Variants in HSDL2 observed in about 807,000 individuals in gnomAD.
HSDL2 encodes hydroxysteroid dehydrogenase-like protein 2.
HSDL2 carries 27 observed loss-of-function variants against 46.3 expected under a neutral mutation model. That is an observed-to-expected ratio of 0.58 (90% CI 0.43 to 0.80). The LOEUF is 0.80. Among genes scored for constraint, HSDL2 ranks in the 30% least tolerant of loss-of-function variants. HSDL2 has a pLI of 0.00. For missense variants in HSDL2, 451 were observed against 502.7 expected, an observed-to-expected ratio of 0.90 and a Z score of 0.98; for synonymous variants, 153 against 163.6, an observed-to-expected ratio of 0.94 and a Z score of 0.50.
chr9:112,440,405 A>G (rs1832615555), intron 7 of HSDL2, among the ~76,000 whole-genome samples: 1 of 149,290 alleles, frequency 6.7e-6, no homozygotes. Flanking sequence ...CCCCATGTCA[A>G]AAAAAAAAAG....
intron 1 of HSDL2, among the ~76,000 whole-genome samples, chr9:112,382,091 C>T (rs1457455122): frequency 2.0e-5 from 3 of 152,016 alleles, no homozygotes; most frequent in African/African-American, 7.2e-5. Context: ...TACAAAATTA[C>T]AAAAATTACA....
chr9:112,466,704 A>AT (rs1249298600), intron 10 of HSDL2, among the ~76,000 whole-genome samples: 38 of 151,880 alleles, frequency 2.5e-4, no homozygotes, highest in Middle Eastern at 3.4e-3. Flanking sequence ...AGTTCAACCT[A>AT]TTTTTTTTGA....
At chr9:112,461,184 TCTC>T (rs1833200430) in intron 10 of HSDL2, among the ~76,000 whole-genome samples, 1 of 152,088 alleles carries the variant, frequency 6.6e-6, no homozygotes, top group Non-Finnish European at 1.5e-5. Flanking sequence ...TTCAAGCAAT[TCTC>T]CTGCCTCAGC....
intron 6 of HSDL2, among the ~76,000 whole-genome samples, chr9:112,425,407 T>C (rs527259272): frequency 7.7e-4 from 118 of 152,294 alleles, no homozygotes; most frequent in Non-Finnish European, 1.4e-3. Context: ...AATTAAGCAA[T>C]ACCATATTGT....
At chr9:112,381,253 ACT>A (rs1283789208) in intron 1 of HSDL2, among the ~76,000 whole-genome samples, 1 of 151,148 alleles carries the variant, frequency 6.6e-6, no homozygotes, top group Non-Finnish European at 1.5e-5. Flanking sequence ...GTAGCCTTGA[ACT>A]CCCAGGCTGA....
At chr9:112,383,650 G>A (rs2132586680) in intron 1 of HSDL2, among the ~76,000 whole-genome samples, 1 of 152,192 alleles carries the variant, frequency 6.6e-6, no homozygotes, top group East Asian at 1.9e-4. Context: ...TCTGTTTCTG[G>A]ACTTTCTGCT....
chr9:112,391,570 G>C (rs188562902), intron 1 of HSDL2, among the ~76,000 whole-genome samples: 1 of 152,100 alleles, frequency 6.6e-6, no homozygotes, highest in Non-Finnish European at 1.5e-5. Flanking sequence ...TTATAGACTT[G>C]TATGAGTCAA....
In HSDL2 at chr9:112,461,983, T is replaced by C. The variant is rs190664840; in HGVS notation, c.1144+2406T>C. Among the ~76,000 whole-genome samples, 26 of 152,326 alleles carry C rather than the reference T, an allele frequency of 1.7e-4. No homozygotes were observed. In the East Asian group the frequency reaches 5.0e-3, roughly 29 times the overall value. ...AAACAATTATTCTTATCAAGTATAT[T>C]TTATAGGTATGGTTTAGATCGGGAG... On this transcript the variant is annotated intron_variant, in intron 10 of 10. Coordinates refer to ENST00000398805, the MANE Select transcript of HSDL2 (RefSeq NM_032303.5).
chr9:112,437,476 T>C (rs1411940624), intron 6 of HSDL2, among the ~76,000 whole-genome samples: 1 of 152,120 alleles, frequency 6.6e-6, no homozygotes, highest in Non-Finnish European at 1.5e-5. Flanking sequence ...CATAATTTAA[T>C]TGGCAGCTTT....
At chr9:112,388,172 C>CA (rs201832602) in intron 1 of HSDL2, among the ~76,000 whole-genome samples, 4,082 of 149,266 alleles carry the variant, frequency 0.027, 149 homozygotes, top group East Asian at 0.11. Context: ...AAAAAACAAA[C>CA]AAAAAAAAAC....
intron 8 of HSDL2, among the ~76,000 whole-genome samples, chr9:112,449,732 G>T (rs59407950): frequency 0.013 from 1,920 of 151,822 alleles, 39 homozygotes; most frequent in African/African-American, 0.042. Flanking sequence ...GGGTGTGGTG[G>T]TGCACATCTG....
intron 6 of HSDL2, among the ~76,000 whole-genome samples, chr9:112,437,610 G>A (rs940276803): frequency 1.3e-5 from 2 of 152,072 alleles, no homozygotes; most frequent in East Asian, 1.9e-4. Context: ...TTAAAGAGGC[G>A]AAACAAGCTC....
chr9:112,419,059 A>T (rs752214261), intron 6 of HSDL2, 101 bp downstream of exon 6: 1 of 589,060 alleles, frequency 1.7e-6, no homozygotes, highest in Non-Finnish European at 3.0e-6. Context: ...TCCAGGCTGG[A>T]GTGCAGTGGT....
At chr9:112,402,954 A>G (rs1206852368) in intron 1 of HSDL2, among the ~76,000 whole-genome samples, 1 of 151,990 alleles carries the variant, frequency 6.6e-6, no homozygotes, top group East Asian at 1.9e-4. Context: ...AAAAGAAAAA[A>G]AAACACACAC....
chr9:112,427,870 C>T (rs1035820790), intron 6 of HSDL2, among the ~76,000 whole-genome samples: 2 of 152,172 alleles, frequency 1.3e-5, no homozygotes, highest in Non-Finnish European at 2.9e-5. Context: ...TATCACGCAG[C>T]AGACATGGGT....
chr9:112,409,677 A>C (rs1831815169), intron 4 of HSDL2, among the ~76,000 whole-genome samples: 2 of 152,088 alleles, frequency 1.3e-5, no homozygotes, highest in Admixed American at 6.6e-5. Flanking sequence ...TACAAAAAAA[A>C]GTTTTTAAAA....
chr9:112,421,931 T>G (rs1832133520), intron 6 of HSDL2, among the ~76,000 whole-genome samples: 1 of 152,164 alleles, frequency 6.6e-6, no homozygotes, highest in African/African-American at 2.4e-5. Flanking sequence ...GACTGTTCTC[T>G]CTGAGCTAGA....
intron 9 of HSDL2, among the ~76,000 whole-genome samples, chr9:112,458,964 G>A (rs1328738991): frequency 1.3e-5 from 2 of 151,184 alleles, no homozygotes; most frequent in Non-Finnish European, 1.5e-5. Context: ...CTGGGCGACA[G>A]AGCTAGACTC....
At chr9:112,397,455 G>A (rs1401459816) in intron 1 of HSDL2, among the ~76,000 whole-genome samples, 1 of 152,146 alleles carries the variant, frequency 6.6e-6, no homozygotes, top group Non-Finnish European at 1.5e-5. Flanking sequence ...TTGTAATTTA[G>A]CCAAAAAATC....
Sources: gnomAD v4.1 joint callset for allele counts (sites outside exome capture counted in the v4.1 genomes callset) on GRCh38, gnomAD v4.1.1 for gene constraint, MANE v1.5 for transcripts, NCBI Gene and HGNC (gene_info 2026-07-23, HGNC 2026-07-21) for gene names.